RESP18: variants seen among roughly 807,000 people sequenced by gnomAD.
RESP18 encodes regulated endocrine-specific protein 18.
In RESP18, 30 loss-of-function variants were observed where a neutral mutation model predicts 30.0. That is an observed-to-expected ratio of 1.00 (90% CI 0.75 to 1.36). The LOEUF (loss-of-function observed/expected upper bound fraction) is 1.36. Among genes scored for constraint, RESP18 ranks in the 40% most tolerant of loss-of-function variants. The pLI is 0.00. For synonymous variants in RESP18, 117 were observed against 111.2 expected (o/e 1.05, Z -0.33); for missense variants, 320 against 284.2 (o/e 1.13, Z -0.91).
intron 6 of RESP18, among the ~76,000 whole-genome samples, chr2:219,328,317 CTGTT>C (rs886706185): frequency 6.6e-6 from 1 of 152,218 alleles, no homozygotes; most frequent in Admixed American, 6.5e-5. Flanking sequence ...ACTTTTCTGT[CTGTT>C]CCTTAACATG....
chr2:219,331,935 G>A (rs1369956852), intron 2 of RESP18, among the ~76,000 whole-genome samples: 1 of 152,230 alleles, frequency 6.6e-6, no homozygotes, highest in Non-Finnish European at 1.5e-5. Flanking sequence ...TCAGGGAGAG[G>A]GGGCGACAGA....
chr2:219,329,783 G>A lies in RESP18; in HGVS notation c.338-19C>T, dbSNP rs571327206. On this transcript the variant is annotated intron_variant, in intron 3 of 6. Coordinates refer to ENST00000333527, the MANE Select transcript of RESP18 (RefSeq NM_001007089.4). ...AACAGACCTGCAGGATGAAAGGATG[G>A]GGGGTGAGTTGACACCTGAGACACT... 2.6e-6 allele frequency: 4 copies of A among 1,547,628 alleles called. No homozygotes were observed. In the African/African-American group the frequency reaches 4.1e-5, roughly 16 times the overall value.
chr2:219,327,484 G>T lies in RESP18; in HGVS notation c.*33C>A. The T allele has an allele frequency of 6.5e-7, 1 of 1,546,486 alleles. No homozygotes were observed. The highest frequency in any genetic ancestry group is 2.4e-5 in the East Asian group (1 of 40,896). On this transcript the variant is annotated 3_prime_UTR_variant, in exon 7 of 7. Coordinates refer to ENST00000333527, the MANE Select transcript of RESP18 (RefSeq NM_001007089.4). ...TCCTCTGAAGGGCAATGGGAAGGGT[G>T]CTGGGGCAGGGAGGCTTCACATGAG...
At chr2:219,329,341 T>G (rs1952805842) in intron 4 of RESP18, 89 bp from the exon 4 acceptor site, 1 of 1,551,628 alleles carries the variant, frequency 6.4e-7, no homozygotes, top group Admixed American at 2.0e-5. Flanking sequence ...AAGTCAGGGA[T>G]TCACAATTCT....
chr2:219,328,588 A>G (rs1952796899), intron 6 of RESP18, among the ~76,000 whole-genome samples: 1 of 152,226 alleles, frequency 6.6e-6, no homozygotes, highest in Non-Finnish European at 1.5e-5. Context: ...TGGCTCTGCC[A>G]CAAACCCATG....
At chr2:219,330,934 TGAA>T (rs777446471) in intron 2 of RESP18, 59 bp from the exon 2 acceptor site, 18 of 996,728 alleles carry the variant, frequency 1.8e-5, no homozygotes, top group Non-Finnish European at 2.5e-5. Flanking sequence ...ACATCCCAGT[TGAA>T]GAGAAGCAGC....
intron 6 of RESP18, 47 bp from the exon 6 acceptor site, chr2:219,327,610 T>G: frequency 6.7e-7 from 1 of 1,488,142 alleles, no homozygotes; most frequent in African/African-American, 1.4e-5. Context: ...TGTGAGACAG[T>G]GGCTCCTCCC....
chr2:219,332,344 G>A (rs557146823), intron 2 of RESP18, among the ~76,000 whole-genome samples, 180 bp downstream of exon 1: 2 of 152,198 alleles, frequency 1.3e-5, no homozygotes, highest in Admixed American at 6.5e-5. Context: ...GACCCCATAT[G>A]CCCAGCCTAT....
chr2:219,331,854 C>T (rs1952834961), intron 2 of RESP18, among the ~76,000 whole-genome samples: 1 of 152,228 alleles, frequency 6.6e-6, no homozygotes, highest in Admixed American at 6.5e-5. Flanking sequence ...CGGCCCTCAT[C>T]CTCTCATTGC....
At chr2:219,332,156 C>T (rs1952838049) in intron 2 of RESP18, among the ~76,000 whole-genome samples, 1 of 152,178 alleles carries the variant, frequency 6.6e-6, no homozygotes. Flanking sequence ...CGTCTCCTGG[C>T]CCAGCCTTCT....
intron 3 of RESP18, 140 bp from the exon 3 acceptor site, chr2:219,329,904 T>TATGCTA: frequency 2.5e-6 from 2 of 802,154 alleles, no homozygotes; most frequent in Non-Finnish European, 3.8e-6. Context: ...TAAAGTTGCT[T>TATGCTA]AGCATAGTGC....
At chr2:219,329,900 T>G (rs1952813074) in intron 3 of RESP18, 136 bp from the exon 3 acceptor site, 1 of 881,712 alleles carries the variant, frequency 1.1e-6, no homozygotes, top group Admixed American at 2.8e-5. Context: ...GTATTAAAGT[T>G]GCTTAGCATA....
chr2:219,329,519 C>T, intron 4 of RESP18, 118 bp downstream of exon 3: 7 of 1,500,104 alleles, frequency 4.7e-6, no homozygotes, highest in Non-Finnish European at 6.2e-6. Flanking sequence ...CCAAACAGGA[C>T]CTCTGAATTC....
In RESP18 at chr2:219,327,412, A is replaced by G. The variant is rs891216046; in HGVS notation, c.*105T>C. 2.8e-6 allele frequency: 3 copies of G among 1,068,076 alleles called. No individual in the cohort carries two copies. Among genetic ancestry groups the G allele is most frequent in the South Asian group, 1.4e-5 (1 of 73,688 alleles). The allele number at this position is 1,068,076 out of a possible 1,614,324, so 66.2% of individuals were successfully genotyped here. ...GCCTCAAGACAAACTCAGTGTTTGC[A>G]TGAGAGTCTACTTTAATGATTCAAA... On this transcript the variant is annotated 3_prime_UTR_variant, in exon 7 of 7. Coordinates refer to ENST00000333527, the MANE Select transcript of RESP18 (RefSeq NM_001007089.4).
chr2:219,329,041 AT>A, intron 5 of RESP18, 33 bp from the exon 5 acceptor site: 2 of 1,516,604 alleles, frequency 1.3e-6, no homozygotes, highest in Non-Finnish European at 1.8e-6. Context: ...AGTACCTTTG[AT>A]TAGGAATGGA....
rs1290734996 is a variant in RESP18, at chr2:219,332,509, A to G, written c.232+15T>C. The stretch of plus-strand genomic sequence containing the variant: ...TTTCTTGGCCCTGCCCGCACCCCCC[A>G]GGGTTCCTCCTGACCGTGGGCACTA... On this transcript the variant is annotated intron_variant, in intron 2 of 6. Transcript: ENST00000333527. 5 of 1,545,598 alleles carry G rather than the reference A, an allele frequency of 3.2e-6. No individual in the cohort carries two copies. The highest frequency in any genetic ancestry group is 4.9e-5 in the East Asian group (2 of 40,858).
intron 6 of RESP18, among the ~76,000 whole-genome samples, chr2:219,328,379 C>T (rs1000955954): frequency 1.8e-4 from 27 of 152,052 alleles, no homozygotes; most frequent in African/African-American, 6.3e-4. Context: ...TGCTGTCTGC[C>T]TCAGATGCCC....
Position 219,327,439 on chromosome 2 carries a change from C to A in RESP18, c.*78G>T. 1 of 1,269,064 alleles carries A rather than the reference C, an allele frequency of 7.9e-7. No individual in the cohort carries two copies. Among genetic ancestry groups the A allele is most frequent in the Non-Finnish European group, 1.1e-6 (1 of 890,288 alleles). 78.6% of individuals were successfully genotyped at this position (1,269,064 alleles called of 1,614,324 possible). On this transcript the variant is annotated 3_prime_UTR_variant, in exon 7 of 7. Coordinates refer to ENST00000333527, the MANE Select transcript of RESP18 (RefSeq NM_001007089.4). ...GAGAGTCTACTTTAATGATTCAAAT[C>A]TGGGTCATCCAAGAACTGCTCCTCT...
intron 6 of RESP18, among the ~76,000 whole-genome samples, 172 bp from the exon 6 acceptor site, chr2:219,327,735 GTC>G (rs1253055086): frequency 6.6e-6 from 1 of 152,160 alleles, no homozygotes; most frequent in Admixed American, 6.5e-5. Flanking sequence ...ATGTAGCCCT[GTC>G]TCTCCATGGT....
Sources: gnomAD v4.1 joint callset for allele counts (sites outside exome capture counted in the v4.1 genomes callset) on GRCh38, gnomAD v4.1.1 for gene constraint, MANE v1.5 for transcripts, NCBI Gene and HGNC (gene_info 2026-07-23, HGNC 2026-07-21) for gene names.